MEGF10: variants seen among roughly 807,000 people sequenced by gnomAD.
The protein encoded by MEGF10 is multiple epidermal growth factor-like domains protein 10.
A neutral mutation model predicts 147.5 loss-of-function variants in MEGF10; 86 were observed. That is an observed-to-expected ratio of 0.58 (90% confidence interval 0.49 to 0.70). The LOEUF is 0.70. MEGF10 is among the 30% of genes least tolerant of loss of function. The pLI is 0.00. For missense variants in MEGF10, 1,329 were observed against 1,487.3 expected, an observed-to-expected ratio of 0.89 and a Z score of 1.75; for synonymous variants, 478 against 525.5, an observed-to-expected ratio of 0.91 and a Z score of 1.24.
chr5:127,320,193 G>A (rs1760736055), intron 1 of MEGF10, among the ~76,000 whole-genome samples: 1 of 152,176 alleles, frequency 6.6e-6, no homozygotes, highest in Non-Finnish European at 1.5e-5. Context: ...GAGGGAGCCA[G>A]TAACCTGTGA....
In MEGF10 at chr5:127,340,722, G is replaced by A. The variant is rs143640690; in HGVS notation, c.319+92G>A. 601 of 978,512 alleles carry A rather than the reference G, an allele frequency of 6.1e-4. No individual in the cohort carries two copies. The African/African-American group carries it at 8.6e-3, about 14-fold the overall frequency. The allele number at this position is 978,512 out of a possible 1,614,324, so 60.6% of individuals were successfully genotyped here. On this transcript the variant is annotated intron_variant, in intron 4 of 24. Transcript: ENST00000503335. Reference sequence around the variant, plus strand: ...AGCAGCTGAGACAGAGGTCTGGGGAGATGGGTGTCTTGGAACATTCCTTTT... The same window carrying A: ...AGCAGCTGAGACAGAGGTCTGGGGAAATGGGTGTCTTGGAACATTCCTTTT...
the MEGF10 span, among the ~76,000 whole-genome samples, chr5:127,282,086 C>CT: frequency 1.3e-5 from 2 of 152,242 alleles, no homozygotes; most frequent in East Asian, 1.9e-4. Flanking sequence ...TCACAGAAGT[C>CT]TAACTAGGGT....
intron 1 of MEGF10, among the ~76,000 whole-genome samples, chr5:127,298,739 A>G (rs149410127): frequency 6.6e-6 from 1 of 152,262 alleles, no homozygotes; most frequent in East Asian, 1.9e-4. Flanking sequence ...GTGAGAACCC[A>G]TGCCTCTCCT....
rs190857635 is a variant in MEGF10 at position 127,357,196 on chromosome 5, C to T, written c.320-12714C>T. Among the ~76,000 whole-genome samples, 7 of 152,258 alleles carry T rather than the reference C, an allele frequency of 4.6e-5. No homozygotes were observed. In the East Asian group the frequency reaches 1.2e-3, roughly 25 times the overall value. ...AGATACTTCCTTACCTTTGCTATGGCATGGAGGAGATGCGTATTTTACTGC... is the reference window on the plus strand; with the variant it reads ...AGATACTTCCTTACCTTTGCTATGGTATGGAGGAGATGCGTATTTTACTGC... On this transcript the variant is annotated intron_variant, in intron 4 of 24. Coordinates refer to ENST00000503335, the MANE Select transcript of MEGF10 (RefSeq NM_001256545.2).
chr5:127,318,130 C>T (rs1032367823), intron 1 of MEGF10, among the ~76,000 whole-genome samples: 1 of 152,140 alleles, frequency 6.6e-6, no homozygotes, highest in Non-Finnish European at 1.5e-5. Flanking sequence ...TGCTGCCTTG[C>T]GCCTTGCACC....
intron 9 of MEGF10, 56 bp from the exon 10 acceptor site, chr5:127,417,582 A>T: frequency 6.5e-7 from 1 of 1,545,194 alleles, no homozygotes; most frequent in Non-Finnish European, 8.9e-7. Context: ...TTTGCACAGA[A>T]GTTGGGTGTC....
intron 4 of MEGF10, among the ~76,000 whole-genome samples, chr5:127,350,865 C>T (rs1042681158): frequency 6.6e-6 from 1 of 152,046 alleles, no homozygotes. Context: ...TTGACACAGG[C>T]ATACAATATG....
At position 127,331,272 on chromosome 5, in the gene MEGF10, G is replaced by T. The variant is rs773753647; in HGVS notation, c.-18-19G>T. ...GTCATTTCAATGCATTTCTAATTGG[G>T]ATTTTTTCTTTCTTGTAGGTTGTTC... On this transcript the variant is annotated intron_variant, in intron 1 of 24. Coordinates refer to ENST00000503335, the MANE Select transcript of MEGF10 (RefSeq NM_001256545.2). The T allele has an allele frequency of 2.3e-6, 3 of 1,311,650 alleles. No homozygotes were observed. The highest frequency in any genetic ancestry group is 1.2e-5 in the South Asian group (1 of 83,380). The allele number at this position is 1,311,650 out of a possible 1,614,324, so 81.3% of individuals were successfully genotyped here.
intron 5 of MEGF10, among the ~76,000 whole-genome samples, chr5:127,389,872 G>A (rs1763578055): frequency 6.6e-6 from 1 of 152,088 alleles, no homozygotes; most frequent in Non-Finnish European, 1.5e-5. Context: ...AAACCCCCAT[G>A]ACATGAGTTT....
chr5:127,388,279 G>A (rs1245037931), intron 5 of MEGF10, among the ~76,000 whole-genome samples: 4 of 151,906 alleles, frequency 2.6e-5, no homozygotes, highest in Admixed American at 2.6e-4. Context: ...CTCCTGAGTA[G>A]CTGGGACTAC....
rs767932327 is a variant in MEGF10 at position 127,398,756 on chromosome 5, A to G, written c.740A>G (p.His247Arg). 1 of 1,613,990 alleles carries G rather than the reference A, an allele frequency of 6.2e-7. No homozygotes were observed. The highest frequency in any genetic ancestry group is 1.1e-5 in the South Asian group (1 of 91,072). ...RCPCQNGGVC[H>R]HVTGECSCPS... Reference sequence around the variant, plus strand: ...CCTTGTCAAAATGGAGGAGTGTGTCATCACGTCACTGGAGAATGCTCTTGC... The same window carrying G: ...CCTTGTCAAAATGGAGGAGTGTGTCGTCACGTCACTGGAGAATGCTCTTGC... The change falls in exon 7 of 25, where the codon CAT becomes CGT. Residue 247 changes from histidine (H) to arginine (R), a missense_variant. This residue lies in a region of MEGF10 where 980 missense variants were observed against 1,085.9 expected (regional missense o/e 0.90). Coordinates refer to ENST00000503335, the MANE Select transcript of MEGF10 (RefSeq NM_001256545.2).
At chr5:127,233,936 G>C in the MEGF10 span, among the ~76,000 whole-genome samples, 1 of 152,152 alleles carries the variant, frequency 6.6e-6, no homozygotes. Flanking sequence ...AGCTATCTGT[G>C]GGGATTTTTT....
chr5:127,376,660 A>G (rs1395466915), intron 5 of MEGF10, among the ~76,000 whole-genome samples: 1 of 152,180 alleles, frequency 6.6e-6, no homozygotes, highest in Non-Finnish European at 1.5e-5. Flanking sequence ...GATCATGATG[A>G]TAGTAATAGT....
chr5:127,376,383 G>A (rs1021250252), intron 5 of MEGF10, among the ~76,000 whole-genome samples: 7 of 152,182 alleles, frequency 4.6e-5, no homozygotes, highest in Non-Finnish European at 8.8e-5. Flanking sequence ...AGGCAACAAG[G>A]CACCTGAGAA....
At chr5:127,429,381 T>A (rs1765322367) in intron 13 of MEGF10, among the ~76,000 whole-genome samples, 1 of 152,182 alleles carries the variant, frequency 6.6e-6, no homozygotes, top group Non-Finnish European at 1.5e-5. Flanking sequence ...CCTATAAATA[T>A]GTTGGGCTTC....
the MEGF10 span, among the ~76,000 whole-genome samples, chr5:127,273,364 G>C: frequency 6.6e-6 from 1 of 152,140 alleles, no homozygotes; most frequent in East Asian, 1.9e-4. Context: ...AAAAAAACTC[G>C]ACATGGGTCG....
the MEGF10 span, among the ~76,000 whole-genome samples, chr5:127,249,478 G>T: frequency 6.6e-6 from 1 of 151,666 alleles, no homozygotes; most frequent in African/African-American, 2.4e-5. Flanking sequence ...ACAAATAAAA[G>T]AAACAAACAT....
chr5:127,361,992 T>C (rs1295167270), intron 4 of MEGF10, among the ~76,000 whole-genome samples: 1 of 152,188 alleles, frequency 6.6e-6, no homozygotes, highest in African/African-American at 2.4e-5. Context: ...AAATATATTC[T>C]GCTGTTATTG....
At chr5:127,456,426 T>G (rs1035106148) in intron 24 of MEGF10, among the ~76,000 whole-genome samples, 1 of 151,398 alleles carries the variant, frequency 6.6e-6, no homozygotes, top group Non-Finnish European at 1.5e-5. Context: ...TTTTCATTTC[T>G]CTCTCTCTCT....
Sources: gnomAD v4.1 joint callset for allele counts (sites outside exome capture counted in the v4.1 genomes callset) on GRCh38, gnomAD v4.1.1 for gene constraint, gnomAD v4.1.1 regional missense constraint, MANE v1.5 for transcripts, NCBI Gene and HGNC (gene_info 2026-07-23, HGNC 2026-07-21) for gene names.